MACROD2: variants seen among roughly 807,000 people sequenced by gnomAD.
MACROD2 encodes the protein mono-ADP ribosylhydrolase 2, also known as ADP-ribose glycohydrolase MACROD2.
Under a neutral mutation model 70.4 loss-of-function variants are expected in MACROD2, and 36 were observed. The observed-to-expected ratio is 0.51, with a 90% CI of 0.39 to 0.68. MACROD2 has a LOEUF of 0.68. MACROD2 is among the 30% of genes least tolerant of loss of function. MACROD2 has a pLI of 0.00. For missense variants in MACROD2, 496 were observed against 538.4 expected (o/e 0.92, Z 0.78); for synonymous variants, 172 against 178.8 (o/e 0.96, Z 0.30).
At chr20:14,479,119 C>T (rs2084632234) in intron 3 of MACROD2, among the ~76,000 whole-genome samples, 1 of 152,114 alleles carries the variant, frequency 6.6e-6, no homozygotes, top group East Asian at 1.9e-4. Context: ...GAAATGACTT[C>T]TGAGGCCAGA....
At chr20:15,892,924 C>G in intron 10 of MACROD2, 1 of 398,808 alleles carries the variant, frequency 2.5e-6, no homozygotes, top group Non-Finnish European at 4.4e-6. Context: ...TTCGTGATTC[C>G]AGAGGGGTTA....
At chr20:14,576,439 T>G (rs529190284) in intron 4 of MACROD2, among the ~76,000 whole-genome samples, 5 of 152,324 alleles carry the variant, frequency 3.3e-5, no homozygotes, top group Non-Finnish European at 5.9e-5. Flanking sequence ...GCCAGTCTAT[T>G]TCAAATTTTT....
rs5840627 is a variant in MACROD2 at position 14,596,412 on chromosome 20, C to CATATATAT, written c.302-88416_302-88409dup. On this transcript the variant is annotated intron_variant, in intron 4 of 17. Transcript: ENST00000684519. Reference sequence around the variant, plus strand: ...GCCCATATATATGTAATTTTTTAAACATATATATATATATATATATATGCT... The same window carrying CATATATAT: ...GCCCATATATATGTAATTTTTTAAACATATATATATATATATATATATATATATATGCT... Among the ~76,000 whole-genome samples the CATATATAT allele has an allele frequency of 6.0e-3, 860 of 143,002 alleles. 4 individuals are homozygous for CATATATAT. The highest frequency in any genetic ancestry group is 0.011 in the African/African-American group (433 of 38,872). 93.8% of individuals were successfully genotyped at this position (143,002 alleles called of 152,430 possible). A position where few individuals can be genotyped will look rare whatever the true frequency, so the allele number is the denominator to read the frequency against.
intron 6 of MACROD2, among the ~76,000 whole-genome samples, chr20:15,331,807 TACAC>T (rs939306849): frequency 6.6e-6 from 1 of 151,548 alleles, no homozygotes; most frequent in Non-Finnish European, 1.5e-5. Flanking sequence ...TATGCAAACA[TACAC>T]ACACATGCAC....
At chr20:15,751,793 G>A (rs546875418) in intron 8 of MACROD2, among the ~76,000 whole-genome samples, 9 of 151,666 alleles carry the variant, frequency 5.9e-5, no homozygotes, top group Non-Finnish European at 5.9e-5. Context: ...TGTCATAAAA[G>A]TGGGGGAAGA....
chr20:14,758,033 G>T, intron 5 of MACROD2: 1 of 692,890 alleles, frequency 1.4e-6, no homozygotes, highest in South Asian at 1.5e-5. Flanking sequence ...ATTTGGTCAT[G>T]GACATGGTCG....
intron 5 of MACROD2, among the ~76,000 whole-genome samples, chr20:14,840,550 G>A (rs902832683): frequency 1.3e-5 from 2 of 152,132 alleles, no homozygotes; most frequent in East Asian, 3.9e-4. Flanking sequence ...TGGTGTTCTT[G>A]GAGGGTTTTC....
At chr20:14,614,494 G>C (rs771980110) in intron 4 of MACROD2, among the ~76,000 whole-genome samples, 1 of 152,094 alleles carries the variant, frequency 6.6e-6, no homozygotes, top group African/African-American at 2.4e-5. Context: ...AGCAGCCAGC[G>C]TTGGGAACGA....
At chr20:15,970,521 G>A (rs2066214047) in intron 13 of MACROD2, among the ~76,000 whole-genome samples, 1 of 152,126 alleles carries the variant, frequency 6.6e-6, no homozygotes, top group East Asian at 1.9e-4. Flanking sequence ...AGGAAATGAG[G>A]TGAGCCCTGT....
Position 14,200,871 on chromosome 20 carries a change from A to G in MACROD2, c.271+115143A>G, listed in dbSNP as rs1243896181. ...TGCCTTTTTGCCTGTTTTTCTCTTA[A>G]AGTTCTAGTCTTGCTTTTGTATCTT... On this transcript the variant is annotated intron_variant, in intron 3 of 17. Coordinates refer to ENST00000684519, the MANE Select transcript of MACROD2 (RefSeq NM_001351661.2). Among the ~76,000 whole-genome samples the G allele has an allele frequency of 2.0e-5, 3 of 150,636 alleles. No homozygotes were observed. The East Asian group carries it at 5.8e-4, about 29-fold the overall frequency.
intron 2 of MACROD2, among the ~76,000 whole-genome samples, chr20:14,085,183 G>A (rs2054062191): frequency 1.3e-5 from 2 of 150,728 alleles, no homozygotes; most frequent in Admixed American, 1.3e-4. Context: ...AAAGGAAGTA[G>A]CAAAGAGCTG....
intron 5 of MACROD2, among the ~76,000 whole-genome samples, chr20:15,139,392 T>A (rs1338380421): frequency 6.6e-6 from 1 of 151,742 alleles, no homozygotes; most frequent in Non-Finnish European, 1.5e-5. Flanking sequence ...GGTGGGGGGG[T>A]GTCGTAGGGG....
Position 14,230,654 on chromosome 20 carries a change from T to TATATATATATATATAAAAAAAA in MACROD2, c.271+144927_271+144928insTATATATATATATAAAAAAAAA. Among the ~76,000 whole-genome samples the TATATATATATATATAAAAAAAA allele has an allele frequency of 1.2e-4, 9 of 74,242 alleles. No homozygotes were observed. The South Asian group carries it at 2.7e-3, about 22-fold the overall frequency. The allele number at this position is 74,242 out of a possible 152,430, so 48.7% of individuals were successfully genotyped here. On this transcript the variant is annotated intron_variant, in intron 3 of 17. Transcript: ENST00000684519. ...GTTTATATATATATATATATATATA[T>TATATATATATATATAAAAAAAA]AACACAGGCTGGGCCTATATATATA...
At chr20:15,488,726 G>A (rs2047191886) in intron 7 of MACROD2, among the ~76,000 whole-genome samples, 1 of 152,116 alleles carries the variant, frequency 6.6e-6, no homozygotes. Flanking sequence ...CCCAATATAC[G>A]CCTTTTCTAT....
chr20:14,832,312 A>G (rs1421671868), intron 5 of MACROD2, among the ~76,000 whole-genome samples: 2 of 151,972 alleles, frequency 1.3e-5, no homozygotes, highest in Non-Finnish European at 2.9e-5. Context: ...AAGAAACAGA[A>G]CAGTGTCAGA....
chr20:15,170,395 T>C (rs1407046281), intron 5 of MACROD2, among the ~76,000 whole-genome samples: 3 of 152,188 alleles, frequency 2.0e-5, no homozygotes, highest in Non-Finnish European at 4.4e-5. Flanking sequence ...TCTGAAGCAC[T>C]GAAGCCTACA....
At chr20:14,032,613 T>C (rs1488662697) in intron 2 of MACROD2, among the ~76,000 whole-genome samples, 1 of 152,210 alleles carries the variant, frequency 6.6e-6, no homozygotes, top group African/African-American at 2.4e-5. Flanking sequence ...CATTTTTTTC[T>C]ATTGCATTGC....
At chr20:14,152,983 A>C (rs1342950171) in intron 3 of MACROD2, among the ~76,000 whole-genome samples, 1 of 152,192 alleles carries the variant, frequency 6.6e-6, no homozygotes, top group South Asian at 2.1e-4. Context: ...TTGATCATAA[A>C]TTTAAATTGG....
In MACROD2 at chr20:14,703,947, C is replaced by T. The variant is rs988859939; in HGVS notation, c.418+18988C>T. On this transcript the variant is annotated intron_variant, in intron 5 of 17. Coordinates refer to ENST00000684519, the MANE Select transcript of MACROD2 (RefSeq NM_001351661.2). ...TTTACCATATTCCCCAAACTGGTCT[C>T]GGACTCCTGACCTCAAGTGATCTGC... Among the ~76,000 whole-genome samples the T allele has an allele frequency of 1.4e-4, 21 of 151,978 alleles. No homozygotes were observed. The South Asian group carries it at 4.2e-3, about 30-fold the overall frequency.
Sources: gnomAD v4.1 joint callset for allele counts (sites outside exome capture counted in the v4.1 genomes callset) on GRCh38, gnomAD v4.1.1 for gene constraint, MANE v1.5 for transcripts, NCBI Gene and HGNC (gene_info 2026-07-23, HGNC 2026-07-21) for gene names.